KLHDC10: variants seen among roughly 807,000 people sequenced by gnomAD.
The protein encoded by KLHDC10 is kelch domain-containing protein 10.
Under a neutral mutation model 56.1 loss-of-function variants are expected in KLHDC10, and 24 were observed. The observed-to-expected ratio is 0.43, with a 90% CI of 0.31 to 0.60. The LOEUF is 0.60. Among genes scored for constraint, KLHDC10 ranks in the 20% least tolerant of loss-of-function variants. The probability of loss-of-function intolerance (pLI) is 0.11; values close to 1 mark genes in which losing one functional copy is unlikely to be tolerated. For missense variants in KLHDC10, 349 were observed against 567.0 expected (o/e 0.62, Z 3.91); for synonymous variants, 188 against 207.1 (o/e 0.91, Z 0.79).
At chr7:130,090,767 CGTGTGTGTGT>C (rs57061414) in intron 1 of KLHDC10, among the ~76,000 whole-genome samples, 6,932 of 148,226 alleles carry the variant, frequency 0.047, 219 homozygotes, top group South Asian at 0.13. Flanking sequence ...TACACATACT[CGTGTGTGTGT>C]GTGTGTGTGT....
chr7:130,076,423 A>G (rs1035384500), intron 1 of KLHDC10, among the ~76,000 whole-genome samples: 9 of 152,074 alleles, frequency 5.9e-5, no homozygotes, highest in African/African-American at 1.4e-4. Flanking sequence ...GACTTTGTTT[A>G]TGGTCTATTT....
At chr7:130,083,994 T>G (rs1023107331) in intron 1 of KLHDC10, among the ~76,000 whole-genome samples, 1 of 152,200 alleles carries the variant, frequency 6.6e-6, no homozygotes, top group Non-Finnish European at 1.5e-5. Flanking sequence ...CCTTCTCTTT[T>G]CAACTTACTT....
chr7:130,133,185 A>C lies in KLHDC10; in HGVS notation c.*2439A>C, dbSNP rs896504247. 1 of 152,236 alleles carries C rather than the reference A, an allele frequency of 6.6e-6. No individual in the cohort carries two copies. The highest frequency in any genetic ancestry group is 2.4e-5 in the African/African-American group (1 of 41,462). 9.4% of individuals were successfully genotyped at this position (152,236 alleles called of 1,614,324 possible). A position where few individuals can be genotyped will look rare whatever the true frequency, so the allele number is the denominator to read the frequency against. ...ACATGTGTACATGTTCTGGATGCCAAATGAGACTGTGTGTAAATGACTAAG... is the reference window on the plus strand; with the variant it reads ...ACATGTGTACATGTTCTGGATGCCACATGAGACTGTGTGTAAATGACTAAG... On this transcript the variant is annotated 3_prime_UTR_variant, in exon 10 of 10. Transcript: ENST00000335420.
chr7:130,084,880 A>G (rs1417793069), intron 1 of KLHDC10, among the ~76,000 whole-genome samples: 1 of 150,898 alleles, frequency 6.6e-6, no homozygotes, highest in African/African-American at 2.5e-5. Flanking sequence ...GTAGGGGGCA[A>G]ATCAAGAGTG....
chr7:130,133,001 A>C lies in KLHDC10; in HGVS notation c.*2255A>C, dbSNP rs761513837. Reference sequence around the variant, plus strand: ...CTGGCATCCTTTGTTAAGCCTTCTGAGGGCAGTCTTCTTTGAGGTAGACCT... The same window carrying C: ...CTGGCATCCTTTGTTAAGCCTTCTGCGGGCAGTCTTCTTTGAGGTAGACCT... On this transcript the variant is annotated 3_prime_UTR_variant, in exon 10 of 10. Transcript: ENST00000335420. 6.6e-5 allele frequency: 10 copies of C among 152,248 alleles called. No individual in the cohort carries two copies. The highest frequency in any genetic ancestry group is 1.5e-4 in the Non-Finnish European group (10 of 68,050). 9.4% of individuals were successfully genotyped at this position (152,248 alleles called of 1,614,324 possible).
chr7:130,129,312 G>T, intron 8 of KLHDC10, 125 bp from the exon 9 acceptor site: 1 of 1,011,188 alleles, frequency 9.9e-7, no homozygotes, highest in Non-Finnish European at 1.5e-6. Flanking sequence ...AGCAGAAGTC[G>T]TCTGTGTCAT....
chr7:130,112,449 T>C (rs1273210156), intron 2 of KLHDC10, among the ~76,000 whole-genome samples: 1 of 152,192 alleles, frequency 6.6e-6, no homozygotes, highest in African/African-American at 2.4e-5. Flanking sequence ...CATTTCCCAC[T>C]GGGAGTTCCT....
At chr7:130,119,843 T>TAA (rs72549928) in intron 3 of KLHDC10, among the ~76,000 whole-genome samples, 1,596 of 76,748 alleles carry the variant, frequency 0.021, 73 homozygotes, top group African/African-American at 0.068. Context: ...GACTCCGTCT[T>TAA]AAAAAAAAAA....
At chr7:130,087,396 A>G (rs1295018647) in intron 1 of KLHDC10, among the ~76,000 whole-genome samples, 1 of 151,708 alleles carries the variant, frequency 6.6e-6, no homozygotes. Context: ...GCCCAATCTC[A>G]TGCTCTTCCC....
Position 130,115,050 on chromosome 7 carries a change from T to C in KLHDC10, c.254-1395T>C, listed in dbSNP as rs187091868. ...TCACTGTTTTTTGTTGCTCTCAATCTGTGCACAATTTCAGCTCTGGTTTAA... is the reference window on the plus strand; with the variant it reads ...TCACTGTTTTTTGTTGCTCTCAATCCGTGCACAATTTCAGCTCTGGTTTAA... On this transcript the variant is annotated intron_variant, in intron 2 of 9. Coordinates refer to ENST00000335420, the MANE Select transcript of KLHDC10 (RefSeq NM_014997.4). Among the ~76,000 whole-genome samples, 584 of 152,328 alleles carry C rather than the reference T, an allele frequency of 3.8e-3. 5 individuals carry two copies. Among genetic ancestry groups the C allele is most frequent in the South Asian group, 0.013 (64 of 4,822 alleles).
rs11541724 is a variant in KLHDC10, at chr7:130,134,364, G to A, written c.*3618G>A. 87,641 of 152,058 alleles carry A rather than the reference G, an allele frequency of 0.58. 26,239 individuals carry two copies. Among genetic ancestry groups the A allele is most frequent in the African/African-American group, 0.74 (30,820 of 41,466 alleles). 9.4% of individuals were successfully genotyped at this position (152,058 alleles called of 1,614,324 possible). On this transcript the variant is annotated 3_prime_UTR_variant, in exon 10 of 10. Transcript: ENST00000335420. ...CAGGTGGTAATCCTGAGTAGATGTAGCTCTTCAGCGTCATCTCCTGCCCTG... is the reference window on the plus strand; with the variant it reads ...CAGGTGGTAATCCTGAGTAGATGTAACTCTTCAGCGTCATCTCCTGCCCTG...
intron 2 of KLHDC10, among the ~76,000 whole-genome samples, chr7:130,112,466 G>A (rs920819411): frequency 1.3e-5 from 2 of 152,142 alleles, no homozygotes; most frequent in African/African-American, 4.8e-5. Context: ...TCCTGAATCA[G>A]GTAAACGAAT....
At chr7:130,094,195 G>A (rs1394035359) in intron 1 of KLHDC10, among the ~76,000 whole-genome samples, 1 of 152,028 alleles carries the variant, frequency 6.6e-6, no homozygotes, top group Non-Finnish European at 1.5e-5. Flanking sequence ...TAAAGCGCTG[G>A]GATTACAGGT....
intron 1 of KLHDC10, among the ~76,000 whole-genome samples, chr7:130,076,148 T>G (rs766567998): frequency 1.3e-5 from 2 of 152,096 alleles, no homozygotes; most frequent in Non-Finnish European, 2.9e-5. Context: ...ATCCCTTGCA[T>G]GCACAGTTCA....
At chr7:130,088,057 G>A (rs777472111) in intron 1 of KLHDC10, among the ~76,000 whole-genome samples, 5 of 151,950 alleles carry the variant, frequency 3.3e-5, no homozygotes, top group South Asian at 2.1e-4. Context: ...CACTGTGCCC[G>A]GCCATATTAT....
intron 1 of KLHDC10, among the ~76,000 whole-genome samples, chr7:130,084,278 T>C (rs1795651085): frequency 6.6e-6 from 1 of 152,142 alleles, no homozygotes; most frequent in East Asian, 1.9e-4. Flanking sequence ...TAGCTGCTGG[T>C]TGGAGAATGG....
At chr7:130,106,317 A>G (rs2116884820) in intron 2 of KLHDC10, among the ~76,000 whole-genome samples, 1 of 152,312 alleles carries the variant, frequency 6.6e-6, no homozygotes, top group East Asian at 1.9e-4. Context: ...GTTCTTTCTG[A>G]AGAGTGTTAA....
In KLHDC10 at chr7:130,070,684, G is replaced by C. The variant is rs1062154; in HGVS notation, c.41G>C (p.Gly14Ala). Residue 14 changes from glycine (G) to alanine (A), a missense_variant, in exon 1 of 10, where the codon GGA becomes GCA. Around this residue, in one of 2 missense-constraint regions of KLHDC10, gnomAD observed 104 missense variants for 97.0 expected, o/e 1.07. Transcript: ENST00000335420. ...GGCTGGGACAGGAACCGCCGGAGGG[G>C]AGGAGGCGCCGCCGGCGCTGGTGGC... ...AQGWDRNRRR[G>A]GGAAGAGGGG... The C allele has an allele frequency of 0.032, 41,291 of 1,307,500 alleles. 732 individuals carry two copies. The highest frequency in any genetic ancestry group is 0.037 in the Non-Finnish European group (37,647 of 1,023,024). The allele number at this position is 1,307,500 out of a possible 1,614,324, so 81.0% of individuals were successfully genotyped here.
At chr7:130,072,540 A>T (rs1207486313) in intron 1 of KLHDC10, among the ~76,000 whole-genome samples, 1 of 152,054 alleles carries the variant, frequency 6.6e-6, no homozygotes, top group Non-Finnish European at 1.5e-5. Flanking sequence ...TCCTTTACTC[A>T]TTCTCAAAAT....
Sources: allele counts gnomAD v4.1 joint callset (sites outside exome capture counted in the v4.1 genomes callset), GRCh38; gene constraint gnomAD v4.1.1; regional missense constraint gnomAD v4.1.1; transcripts MANE v1.5; gene names NCBI Gene and HGNC (gene_info 2026-07-23, HGNC 2026-07-21).